Variants in TSPAN5 observed in about 807,000 individuals in gnomAD.
TSPAN5 encodes tetraspanin 5, also known as tetraspanin-5.
A neutral mutation model predicts 37.1 loss-of-function variants in TSPAN5; 10 were observed. The ratio of observed to expected loss-of-function variants is 0.27; its 90% CI spans 0.17 to 0.46. TSPAN5 has a LOEUF of 0.46. Among genes scored for constraint, TSPAN5 ranks in the 20% least tolerant of loss-of-function variants. The pLI, the probability that TSPAN5 is intolerant of heterozygous loss-of-function variation, is 1.00. For synonymous variants in TSPAN5, 110 were observed against 118.9 expected, an observed-to-expected ratio of 0.93 and a Z score of 0.48; for missense variants, 195 against 326.6, an observed-to-expected ratio of 0.60 and a Z score of 3.11.
chr4:98,578,987 C>T (rs928518349), intron 1 of TSPAN5, among the ~76,000 whole-genome samples: 2 of 152,124 alleles, frequency 1.3e-5, no homozygotes, highest in Non-Finnish European at 2.9e-5. Flanking sequence ...ACTGCACTAG[C>T]CTGTGTGCAT....
chr4:98,561,050 CAT>C (rs1191846040), intron 1 of TSPAN5, among the ~76,000 whole-genome samples: 2 of 152,240 alleles, frequency 1.3e-5, no homozygotes, highest in Non-Finnish European at 2.9e-5. Flanking sequence ...AGCTAGACCA[CAT>C]GTCTCAGCTG....
chr4:98,635,449 C>T (rs1756833830), intron 1 of TSPAN5, among the ~76,000 whole-genome samples: 1 of 152,214 alleles, frequency 6.6e-6, no homozygotes, highest in African/African-American at 2.4e-5. Context: ...TTTATCTTTT[C>T]ACCATGGCTT....
intron 1 of TSPAN5, among the ~76,000 whole-genome samples, chr4:98,554,976 G>C (rs987856604): frequency 6.6e-6 from 1 of 152,194 alleles, no homozygotes; most frequent in Non-Finnish European, 1.5e-5. Flanking sequence ...TACTCTGCTT[G>C]GAGCTAGAAG....
intron 1 of TSPAN5, among the ~76,000 whole-genome samples, chr4:98,587,408 C>T (rs1192614878): frequency 6.6e-6 from 1 of 152,168 alleles, no homozygotes; most frequent in Non-Finnish European, 1.5e-5. Flanking sequence ...TTGTCTCATA[C>T]CTTCCAAAGA....
chr4:98,551,658 ATT>A lies in TSPAN5; in HGVS notation c.82-43932_82-43931del, dbSNP rs36041602. Among the ~76,000 whole-genome samples the A allele has an allele frequency of 4.1e-3, 581 of 140,038 alleles. 3 individuals are homozygous for A. Among genetic ancestry groups the A allele is most frequent in the East Asian group, 9.1e-3 (44 of 4,834 alleles). 91.9% of individuals were successfully genotyped at this position (140,038 alleles called of 152,430 possible). A position where few individuals can be genotyped will look rare whatever the true frequency, so the allele number is the denominator to read the frequency against. Reference sequence around the variant, plus strand: ...AGGTGGGTACCATCACGCCCAGCTAATTTTTTTTTTTTTTTGTATTTTTAGTA... The same window carrying A: ...AGGTGGGTACCATCACGCCCAGCTAATTTTTTTTTTTTTGTATTTTTAGTA... On this transcript the variant is annotated intron_variant, in intron 1 of 7. Transcript: ENST00000305798.
rs73832327 is a variant in TSPAN5, at chr4:98,494,218, G to A, written c.133-7334C>T. Among the ~76,000 whole-genome samples the A allele has an allele frequency of 3.9e-3, 601 of 152,176 alleles. 5 individuals are homozygous for A. Among genetic ancestry groups the A allele is most frequent in the African/African-American group, 0.014 (577 of 41,544 alleles). On this transcript the variant is annotated intron_variant, in intron 2 of 7. Transcript: ENST00000305798. Reference sequence around the variant, plus strand: ...AGCCTGCTCTAGAGTGGGGCAGAGAGAGCATTCCAGAATCAACCTCCTCCT... The same window carrying A: ...AGCCTGCTCTAGAGTGGGGCAGAGAAAGCATTCCAGAATCAACCTCCTCCT...
intron 1 of TSPAN5, among the ~76,000 whole-genome samples, chr4:98,567,262 G>C (rs1340485912): frequency 6.6e-6 from 1 of 152,010 alleles, no homozygotes; most frequent in Admixed American, 6.6e-5. Flanking sequence ...CCAAATTGTG[G>C]GTAGCCTCCT....
intron 2 of TSPAN5, among the ~76,000 whole-genome samples, chr4:98,498,215 C>T (rs1475526950): frequency 1.3e-5 from 2 of 152,068 alleles, no homozygotes; most frequent in Non-Finnish European, 2.9e-5. Context: ...AGGAGACAGA[C>T]ACAGAGAGGA....
chr4:98,488,833 G>A (rs377524604), intron 2 of TSPAN5, among the ~76,000 whole-genome samples: 2 of 152,126 alleles, frequency 1.3e-5, no homozygotes, highest in Non-Finnish European at 2.9e-5. Flanking sequence ...TGGGAGGATC[G>A]CTTGAGGCCA....
chr4:98,642,081 C>T (rs528935124), intron 1 of TSPAN5, among the ~76,000 whole-genome samples: 1 of 152,264 alleles, frequency 6.6e-6, no homozygotes, highest in East Asian at 1.9e-4. Context: ...TACTTGAGTG[C>T]TAAAAAGATT....
chr4:98,650,081 G>A (rs1045269947), intron 1 of TSPAN5, among the ~76,000 whole-genome samples: 1 of 152,200 alleles, frequency 6.6e-6, no homozygotes, highest in African/African-American at 2.4e-5. Context: ...CATCATTAGT[G>A]TAAACACATG....
chr4:98,591,060 C>CTTTT (rs904871060), intron 1 of TSPAN5, among the ~76,000 whole-genome samples: 3 of 148,126 alleles, frequency 2.0e-5, no homozygotes, highest in Non-Finnish European at 3.0e-5. Flanking sequence ...CATGCTTTTC[C>CTTTT]TTTTTTTTGT....
At chr4:98,480,056 T>A (rs1353492664) in intron 4 of TSPAN5, among the ~76,000 whole-genome samples, 1 of 152,174 alleles carries the variant, frequency 6.6e-6, no homozygotes, top group Non-Finnish European at 1.5e-5. Flanking sequence ...GTGACCCCCC[T>A]GGACCCAGCT....
intron 2 of TSPAN5, among the ~76,000 whole-genome samples, chr4:98,498,738 T>C (rs1753273652): frequency 6.6e-6 from 1 of 152,122 alleles, no homozygotes; most frequent in African/African-American, 2.4e-5. Flanking sequence ...TCTGAAGTGG[T>C]TCTCTGCACT....
In TSPAN5 at chr4:98,470,841, G is replaced by A. The variant is rs992506763; in HGVS notation, c.*1681C>T. Reference sequence around the variant, plus strand: ...CATCGGCCACCACCATGCACCATGGGGCTGAAATGGAAAACCTCGCTTAAT... The same window carrying A: ...CATCGGCCACCACCATGCACCATGGAGCTGAAATGGAAAACCTCGCTTAAT... On this transcript the variant is annotated 3_prime_UTR_variant, in exon 8 of 8. Transcript: ENST00000305798. The A allele has an allele frequency of 2.0e-5, 3 of 152,274 alleles. No homozygotes were observed. The East Asian group carries it at 5.8e-4, about 29-fold the overall frequency. 9.4% of individuals were successfully genotyped at this position (152,274 alleles called of 1,614,324 possible).
At position 98,566,967 on chromosome 4, in the gene TSPAN5, C is replaced by T. The variant is rs115548100; in HGVS notation, c.82-59239G>A. 6.4e-3 allele frequency among the ~76,000 whole-genome samples: 981 copies of T among 152,350 alleles called. 20 individuals are homozygous for T. Among genetic ancestry groups the T allele is most frequent in the African/African-American group, 0.022 (913 of 41,570 alleles). ...AACAGCTGTGCTGCAGCCTACACGGCCAAGTGCAGGAGACGCTGGCATGAT... is the reference window on the plus strand; with the variant it reads ...AACAGCTGTGCTGCAGCCTACACGGTCAAGTGCAGGAGACGCTGGCATGAT... On this transcript the variant is annotated intron_variant, in intron 1 of 7. Transcript: ENST00000305798.
intron 1 of TSPAN5, among the ~76,000 whole-genome samples, chr4:98,588,403 A>G (rs1400972231): frequency 6.6e-6 from 1 of 152,180 alleles, no homozygotes; most frequent in Non-Finnish European, 1.5e-5. Flanking sequence ...AAAAAAAAAA[A>G]AAGTTAACAA....
At chr4:98,549,292 G>GGTTTTTTTTTTTTTTTT (rs1560532920) in intron 1 of TSPAN5, among the ~76,000 whole-genome samples, 3 of 147,162 alleles carry the variant, frequency 2.0e-5, no homozygotes, top group African/African-American at 5.2e-5. Context: ...TTGTTTGTTT[G>GGTTTTTTTTTTTTTTTT]TTTGTTTTTG....
chr4:98,473,760 C>T (rs1752637566), intron 7 of TSPAN5, among the ~76,000 whole-genome samples: 1 of 152,132 alleles, frequency 6.6e-6, no homozygotes, highest in East Asian at 1.9e-4. Context: ...TTCAGATCCT[C>T]TGCCCGTATT....
Sources: allele counts gnomAD v4.1 joint callset (sites outside exome capture counted in the v4.1 genomes callset), GRCh38; gene constraint gnomAD v4.1.1; transcripts MANE v1.5; gene names NCBI Gene and HGNC (gene_info 2026-07-23, HGNC 2026-07-21).